Variants in PRKAG2 observed in about 807,000 individuals in gnomAD.
The protein encoded by PRKAG2 is protein kinase AMP-activated non-catalytic subunit gamma 2.
Under a neutral mutation model 69.6 loss-of-function variants are expected in PRKAG2, and 26 were observed. The observed-to-expected ratio is 0.37, with a 90% CI of 0.27 to 0.52. PRKAG2 has a LOEUF of 0.52. PRKAG2 is among the 20% of genes least tolerant of loss of function. The probability of loss-of-function intolerance (pLI) is 0.90; values close to 1 mark genes in which losing one functional copy is unlikely to be tolerated. For synonymous variants in PRKAG2, 293 were observed against 285.0 expected, an observed-to-expected ratio of 1.03 and a Z score of -0.28; for missense variants, 557 against 740.0, an observed-to-expected ratio of 0.75 and a Z score of 2.87.
At chr7:151,759,955 A>G (rs2075316760) in intron 3 of PRKAG2, among the ~76,000 whole-genome samples, 2 of 152,254 alleles carry the variant, frequency 1.3e-5, no homozygotes, top group African/African-American at 4.8e-5. Flanking sequence ...TCCTTCTAGT[A>G]CGGGCTCCAG....
intron 4 of PRKAG2, among the ~76,000 whole-genome samples, chr7:151,659,645 C>T (rs546603612): frequency 6.6e-6 from 1 of 152,274 alleles, no homozygotes; most frequent in Admixed American, 6.5e-5. Flanking sequence ...TTTAATTGCC[C>T]ATTTGTAAGA....
In PRKAG2 at chr7:151,781,150, A is replaced by C. The variant is rs962806505; in HGVS notation, c.466+2T>G. 1 of 1,613,804 alleles carries C rather than the reference A, an allele frequency of 6.2e-7. No individual in the cohort carries two copies. The highest frequency in any genetic ancestry group is 1.3e-5 in the African/African-American group (1 of 74,928). ...CCTGAAACAATAGCATCAAGGTCTTACTTTTTCTGGAGCGGGAGAAAAACC... is the reference window on the plus strand; with the variant it reads ...CCTGAAACAATAGCATCAAGGTCTTCCTTTTTCTGGAGCGGGAGAAAAACC... On this transcript the variant is annotated splice_donor_variant, in intron 3 of 15. Transcript: ENST00000287878. LOFTEE classifies it high-confidence loss of function. The surrounding 1 kb of genome is among the most constrained non-coding windows in gnomAD (Gnocchi z 6.1).
At chr7:151,659,852 A>G (rs1830050459) in intron 4 of PRKAG2, among the ~76,000 whole-genome samples, 2 of 152,244 alleles carry the variant, frequency 1.3e-5, no homozygotes, top group Admixed American at 6.5e-5. Context: ...GATTAAGTAT[A>G]TATTTTCCCA....
chr7:151,567,733 A>G lies in PRKAG2; in HGVS notation c.1233+983T>C, dbSNP rs867637204. ...ATGGTTAAATAAATGTTATTTATATATGTAAATGATTAAAATACAAGACTG... is the reference window on the plus strand; with the variant it reads ...ATGGTTAAATAAATGTTATTTATATGTGTAAATGATTAAAATACAAGACTG... On this transcript the variant is annotated intron_variant, in intron 11 of 15. Coordinates refer to ENST00000287878, the MANE Select transcript of PRKAG2 (RefSeq NM_016203.4). This position sits in a 1 kb window ranked among gnomAD's most constrained non-coding sequence, Gnocchi z 4.2. Among the ~76,000 whole-genome samples the G allele has an allele frequency of 1.3e-5, 2 of 152,222 alleles. No homozygotes were observed. The highest frequency in any genetic ancestry group is 6.5e-5 in the Admixed American group (1 of 15,284).
At position 151,638,345 on chromosome 7, in the gene PRKAG2, AAATT is replaced by A. The variant is rs1308863357; in HGVS notation, c.685-6211_685-6208del. Among the ~76,000 whole-genome samples, 4 of 152,112 alleles carry A rather than the reference AAATT, an allele frequency of 2.6e-5. No homozygotes were observed. Among genetic ancestry groups the A allele is most frequent in the African/African-American group, 9.7e-5 (4 of 41,428 alleles). On this transcript the variant is annotated intron_variant, in intron 4 of 15. Coordinates refer to ENST00000287878, the MANE Select transcript of PRKAG2 (RefSeq NM_016203.4). The surrounding 1 kb of genome is among the most constrained non-coding windows in gnomAD (Gnocchi z 4.3). ...GACTTCTTGGTTGGTAAAAAATGCT[AAATT>A]ATTATCCCGGCATGGTGGCTCATGC...
At chr7:151,607,751 G>A (rs1428298254) in intron 5 of PRKAG2, among the ~76,000 whole-genome samples, 1 of 152,102 alleles carries the variant, frequency 6.6e-6, no homozygotes, top group African/African-American at 2.4e-5. Context: ...TTGAGAATGC[G>A]TTCCTCATGC....
intron 3 of PRKAG2, among the ~76,000 whole-genome samples, chr7:151,720,327 G>A (rs1796847391): frequency 6.6e-6 from 1 of 151,844 alleles, no homozygotes; most frequent in Non-Finnish European, 1.5e-5. Context: ...GTTACTTCCA[G>A]CCCCAAAAGC....
At chr7:151,741,195 T>C (rs2073863349) in intron 3 of PRKAG2, among the ~76,000 whole-genome samples, 1 of 149,904 alleles carries the variant, frequency 6.7e-6, no homozygotes, top group South Asian at 2.1e-4. Flanking sequence ...CCTGGGCAAC[T>C]GAGTGAGACC....
At chr7:151,613,587 T>G (rs1819388902) in intron 5 of PRKAG2, among the ~76,000 whole-genome samples, 1 of 151,942 alleles carries the variant, frequency 6.6e-6, no homozygotes, top group Non-Finnish European at 1.5e-5. Context: ...AACCTCTGGC[T>G]TCTGGGTTCA....
rs2079091213 is a variant in PRKAG2, at chr7:151,833,851, G to C, written c.114+42656C>G. On this transcript the variant is annotated intron_variant, in intron 1 of 15. Transcript: ENST00000287878. ...TCCCCCAGATGGCGGGAGGGGGTGT[G>C]TTCTGTGGGGTGCCCAGTGCACTGG... 1.3e-5 allele frequency among the ~76,000 whole-genome samples: 2 copies of C among 152,210 alleles called. 1 individual carries two copies. Among genetic ancestry groups the C allele is most frequent in the South Asian group, 4.1e-4 (2 of 4,834 alleles).
intron 6 of PRKAG2, among the ~76,000 whole-genome samples, chr7:151,576,754 G>C (rs1209120568): frequency 6.6e-6 from 1 of 152,162 alleles, no homozygotes; most frequent in East Asian, 1.9e-4. Flanking sequence ...ATCCACCTCG[G>C]CCTCCCAAAG....
chr7:151,679,177 T>TC (rs1233248033), intron 3 of PRKAG2, among the ~76,000 whole-genome samples: 2 of 151,968 alleles, frequency 1.3e-5, no homozygotes, highest in Non-Finnish European at 1.5e-5. Flanking sequence ...AGGGCCAGGC[T>TC]CCAGCTGCTT....
chr7:151,654,540 C>A (rs772361337), intron 4 of PRKAG2, among the ~76,000 whole-genome samples: 1 of 152,290 alleles, frequency 6.6e-6, no homozygotes, highest in East Asian at 1.9e-4. Flanking sequence ...GATACCTGAG[C>A]CAAACCATAT....
chr7:151,692,408 C>T (rs1029281264), intron 3 of PRKAG2, among the ~76,000 whole-genome samples: 5 of 151,748 alleles, frequency 3.3e-5, no homozygotes, highest in Admixed American at 6.6e-5. Flanking sequence ...AAAATTATAG[C>T]GGACAGAAAA....
chr7:151,725,441 G>C (rs958601716), intron 3 of PRKAG2, among the ~76,000 whole-genome samples: 1 of 152,006 alleles, frequency 6.6e-6, no homozygotes, highest in Non-Finnish European at 1.5e-5. Flanking sequence ...GGATGAAAAG[G>C]GTTCCGGAGA....
chr7:151,579,363 C>CAAAATGACAGATTTAGCAGAG (rs1809807894), intron 6 of PRKAG2, among the ~76,000 whole-genome samples: 1 of 152,134 alleles, frequency 6.6e-6, no homozygotes, highest in Admixed American at 6.5e-5. Flanking sequence ...CTGTTTTCTT[C>CAAAATGACAGATTTAGCAGAG]AAAATGACAG....
chr7:151,573,546 T>C (rs1476828361), intron 8 of PRKAG2, among the ~76,000 whole-genome samples: 1 of 152,044 alleles, frequency 6.6e-6, no homozygotes, highest in Non-Finnish European at 1.5e-5. Flanking sequence ...TTTGCAATTT[T>C]GATTTCATAT....
At chr7:151,590,744 C>T (rs908690129) in intron 6 of PRKAG2, among the ~76,000 whole-genome samples, 1 of 152,226 alleles carries the variant, frequency 6.6e-6, no homozygotes, top group Admixed American at 6.5e-5. Flanking sequence ...CTTGCCATTT[C>T]ACAGCTGCAG....
chr7:151,565,318 A>C, intron 13 of PRKAG2, 28 bp downstream of exon 13: 1 of 1,360,876 alleles, frequency 7.3e-7, no homozygotes, highest in Non-Finnish European at 1.0e-6. Flanking sequence ...ATTCTAGGTG[A>C]CAGATTGAAC....
Sources: gnomAD v4.1 joint callset for allele counts (sites outside exome capture counted in the v4.1 genomes callset) on GRCh38, gnomAD v4.1.1 for gene constraint, Gnocchi (gnomAD v3.1) non-coding constraint, MANE v1.5 for transcripts, NCBI Gene and HGNC (gene_info 2026-07-23, HGNC 2026-07-21) for gene names.